The following ACVR1C variants were observed in gnomAD, a reference collection of about 807,000 sequenced individuals.
ACVR1C encodes the protein activin A receptor type 1C, also known as activin receptor type-1C.
Under a neutral mutation model 57.9 loss-of-function variants are expected in ACVR1C, and 23 were observed. That is an observed-to-expected ratio of 0.40 (90% CI 0.29 to 0.56). The LOEUF (loss-of-function observed/expected upper bound fraction) is 0.56. ACVR1C is among the 20% of genes least tolerant of loss of function. The probability of loss-of-function intolerance (pLI) is 0.50; values close to 1 mark genes in which losing one functional copy is unlikely to be tolerated. For synonymous variants in ACVR1C, 214 were observed against 215.3 expected (o/e 0.99, Z 0.05); for missense variants, 480 against 607.9 (o/e 0.79, Z 2.21).
chr2:157,563,169 G>T (rs895706968), intron 2 of ACVR1C, among the ~76,000 whole-genome samples: 1 of 152,152 alleles, frequency 6.6e-6, no homozygotes, highest in Non-Finnish European at 1.5e-5. Flanking sequence ...AGGAAGAGAG[G>T]AAGTCAAATT....
At chr2:157,600,077 A>T (rs1045228901) in intron 1 of ACVR1C, among the ~76,000 whole-genome samples, 1 of 152,216 alleles carries the variant, frequency 6.6e-6, no homozygotes, top group Non-Finnish European at 1.5e-5. Context: ...AGAAAGAGCA[A>T]TAGGAGTGAC....
At chr2:157,623,469 G>A (rs1682831068) in intron 1 of ACVR1C, among the ~76,000 whole-genome samples, 1 of 152,174 alleles carries the variant, frequency 6.6e-6, no homozygotes, top group South Asian at 2.1e-4. Flanking sequence ...ATGGATGGAA[G>A]TGGAGATCAT....
intron 1 of ACVR1C, among the ~76,000 whole-genome samples, chr2:157,599,006 A>AT (rs933583509): frequency 9.2e-5 from 14 of 151,926 alleles, no homozygotes; most frequent in African/African-American, 3.4e-4. Context: ...CTGTAGTGCT[A>AT]TTTTTACTCA....
intron 1 of ACVR1C, among the ~76,000 whole-genome samples, chr2:157,594,518 A>G (rs902225733): frequency 1.3e-5 from 2 of 152,168 alleles, no homozygotes; most frequent in African/African-American, 4.8e-5. Context: ...ATAAATCAAC[A>G]AAACATCTCT....
In ACVR1C at chr2:157,533,530, A is replaced by G. The variant is rs1245489400; in HGVS notation, c.*388T>C. 2 of 153,246 alleles carry G rather than the reference A, an allele frequency of 1.3e-5. No individual in the cohort carries two copies. The highest frequency in any genetic ancestry group is 6.5e-5 in the Admixed American group (1 of 15,288). The allele number at this position is 153,246 out of a possible 1,614,324, so 9.5% of individuals were successfully genotyped here. ...GCTCTAATTTGCATGTTTAATTAAT[A>G]TGTTTTCATCTCAGAAAAAAATGTT... On this transcript the variant is annotated 3_prime_UTR_variant, in exon 9 of 9. Coordinates refer to ENST00000243349, the MANE Select transcript of ACVR1C (RefSeq NM_145259.3).
intron 2 of ACVR1C, among the ~76,000 whole-genome samples, chr2:157,566,603 C>T (rs910199598): frequency 4.6e-5 from 7 of 151,934 alleles, no homozygotes; most frequent in African/African-American, 1.7e-4. Flanking sequence ...GGGTGATGGA[C>T]GCACCTGGAA....
intron 1 of ACVR1C, among the ~76,000 whole-genome samples, chr2:157,597,889 C>T (rs907388961): frequency 2.0e-5 from 3 of 152,092 alleles, no homozygotes; most frequent in Non-Finnish European, 4.4e-5. Context: ...TTTGCTAGAC[C>T]GGTATTTATT....
At chr2:157,573,317 G>A (rs750373339) in intron 2 of ACVR1C, among the ~76,000 whole-genome samples, 3 of 152,084 alleles carry the variant, frequency 2.0e-5, no homozygotes, top group Admixed American at 6.6e-5. Context: ...AACAGAACAG[G>A]AAGGCAGAAA....
At chr2:157,597,016 C>A (rs935653779) in intron 1 of ACVR1C, among the ~76,000 whole-genome samples, 1 of 151,980 alleles carries the variant, frequency 6.6e-6, no homozygotes, top group African/African-American at 2.4e-5. Flanking sequence ...AGGGACGGGG[C>A]AGGGGCGGGA....
chr2:157,616,643 T>C (rs1412019560), intron 1 of ACVR1C, among the ~76,000 whole-genome samples: 1 of 152,116 alleles, frequency 6.6e-6, no homozygotes, highest in Non-Finnish European at 1.5e-5. Context: ...TATTGGTAAA[T>C]TTAATCATAC....
At position 157,527,212 on chromosome 2, in the gene ACVR1C, T is replaced by C. The variant is rs980026887; in HGVS notation, c.*6706A>G. ...TTTAAATTACAACTACTAAAATCCA[T>C]CTACATATTTTTGATACAGTTTATT... On this transcript the variant is annotated 3_prime_UTR_variant, in exon 9 of 9. Coordinates refer to ENST00000243349, the MANE Select transcript of ACVR1C (RefSeq NM_145259.3). The C allele has an allele frequency of 6.6e-5, 10 of 152,184 alleles. No individual in the cohort carries two copies. Among genetic ancestry groups the C allele is most frequent in the African/African-American group, 2.2e-4 (9 of 41,444 alleles). 9.4% of individuals were successfully genotyped at this position (152,184 alleles called of 1,614,324 possible).
Position 157,628,634 on chromosome 2 carries a change from G to T in ACVR1C, c.11C>A (p.Ala4Glu), listed in dbSNP as rs771848037. MTR[A>E]LCSALRQALL... ...AGCCTGGCGGAGCGCTGAGCAGAGC[G>T]CCCGGGTCATCGCCACCAGGCGGCC... Residue 4 changes from alanine to glutamate, a missense_variant, in exon 1 of 9, where the codon GCG (alanine) becomes GAG (glutamate). Physicochemically the swap from Ala to Glu is moderately radical, Grantham distance 107. Coordinates refer to ENST00000243349, the MANE Select transcript of ACVR1C (RefSeq NM_145259.3). 2.5e-6 allele frequency: 4 copies of T among 1,586,080 alleles called. No homozygotes were observed. The highest frequency in any genetic ancestry group is 1.1e-5 in the South Asian group (1 of 87,610).
intron 1 of ACVR1C, among the ~76,000 whole-genome samples, chr2:157,613,644 C>T (rs1480608731): frequency 1.3e-5 from 2 of 152,118 alleles, no homozygotes; most frequent in African/African-American, 4.8e-5. Context: ...TTTCTTTAGT[C>T]TGCTGAAATG....
At chr2:157,538,814 G>T in intron 7 of ACVR1C, 111 bp from the exon 8 acceptor site, 1 of 844,792 alleles carries the variant, frequency 1.2e-6, no homozygotes. Context: ...CAGGGAACTG[G>T]AAAGTCAAGT....
chr2:157,628,439 G>C, intron 1 of ACVR1C, 133 bp downstream of exon 1: 1 of 1,061,176 alleles, frequency 9.4e-7, no homozygotes, highest in Admixed American at 2.1e-5. Flanking sequence ...CCCTCAATCC[G>C]ACTGGCGCTT....
intron 2 of ACVR1C, among the ~76,000 whole-genome samples, chr2:157,559,210 A>T (rs911654588): frequency 6.6e-6 from 1 of 152,210 alleles, no homozygotes; most frequent in Non-Finnish European, 1.5e-5. Flanking sequence ...GCTCTCAGAG[A>T]TGTTTATTAT....
At chr2:157,545,881 T>A (rs568025514) in intron 4 of ACVR1C, among the ~76,000 whole-genome samples, 2 of 152,258 alleles carry the variant, frequency 1.3e-5, no homozygotes, top group South Asian at 4.2e-4. Flanking sequence ...TTCAAGCAAT[T>A]CTCCTGCCCC....
At chr2:157,537,117 C>T (rs560757026) in intron 8 of ACVR1C, among the ~76,000 whole-genome samples, 25 of 152,004 alleles carry the variant, frequency 1.6e-4, no homozygotes, top group South Asian at 6.2e-4. Flanking sequence ...GTTTCAATCA[C>T]GTAAGTTTCA....
intron 2 of ACVR1C, among the ~76,000 whole-genome samples, chr2:157,573,722 A>G (rs1360848840): frequency 1.3e-5 from 2 of 152,156 alleles, no homozygotes; most frequent in Non-Finnish European, 2.9e-5. Flanking sequence ...TCTTGGTGCT[A>G]TTTGACATCA....
Sources: gnomAD v4.1 joint callset for allele counts (sites outside exome capture counted in the v4.1 genomes callset) on GRCh38, gnomAD v4.1.1 for gene constraint, MANE v1.5 for transcripts, NCBI Gene and HGNC (gene_info 2026-07-23, HGNC 2026-07-21) for gene names.